PKNOX2: variants seen among roughly 807,000 people sequenced by gnomAD.
PKNOX2 encodes homeobox protein PKNOX2.
In PKNOX2, 14 loss-of-function variants were observed where a neutral mutation model predicts 53.1. The ratio of observed to expected loss-of-function variants is 0.26; its 90% CI spans 0.17 to 0.41. The LOEUF (loss-of-function observed/expected upper bound fraction) is 0.41, where lower values mean the gene tolerates loss of function less well. Among genes scored for constraint, PKNOX2 ranks in the 10% least tolerant of loss-of-function variants. PKNOX2 has a pLI of 1.00. For synonymous variants in PKNOX2, 257 were observed against 242.8 expected, an observed-to-expected ratio of 1.06 and a Z score of -0.54; for missense variants, 496 against 602.8, an observed-to-expected ratio of 0.82 and a Z score of 1.85.
chr11:125,189,405 A>G (rs12800367), intron 1 of PKNOX2, among the ~76,000 whole-genome samples: 4,023 of 68,190 alleles, frequency 0.059, 245 homozygotes, highest in East Asian at 0.24. Context: ...ATATGTGTGT[A>G]TATATATATG....
At chr11:125,223,357 G>C (rs539663543) in intron 1 of PKNOX2, among the ~76,000 whole-genome samples, 2 of 152,072 alleles carry the variant, frequency 1.3e-5, no homozygotes, top group Non-Finnish European at 1.5e-5. Context: ...AGCGTCCTGA[G>C]CAGCTGGGAT....
chr11:125,300,963 C>A (rs1426156), intron 2 of PKNOX2, among the ~76,000 whole-genome samples: 5 of 151,986 alleles, frequency 3.3e-5, no homozygotes, highest in Admixed American at 6.5e-5. Flanking sequence ...TAAGCTCTAG[C>A]GAGATTGCAG....
intron 1 of PKNOX2, among the ~76,000 whole-genome samples, chr11:125,202,714 G>A (rs962441585): frequency 6.6e-6 from 1 of 151,478 alleles, no homozygotes; most frequent in Non-Finnish European, 1.5e-5. Flanking sequence ...TGGGGAGGCT[G>A]TGGGTTGGGG....
At chr11:125,320,578 T>C (rs1310904135) in intron 2 of PKNOX2, among the ~76,000 whole-genome samples, 4 of 152,164 alleles carry the variant, frequency 2.6e-5, no homozygotes, top group Non-Finnish European at 5.9e-5. Context: ...GCAACCTCCA[T>C]TGGCTGCAAG....
At position 125,271,658 on chromosome 11, in the gene PKNOX2, G is replaced by A. The variant is rs193108670; in HGVS notation, c.-130+36543G>A. Among the ~76,000 whole-genome samples the A allele has an allele frequency of 2.0e-5, 3 of 152,074 alleles. No homozygotes were observed. In the East Asian group the frequency reaches 5.8e-4, roughly 29 times the overall value. ...AGTTCTGTCTAGACCTTCAATGTGT[G>A]TCCTGTCATGAAAATAGCAGAGTTG... is the stretch of plus-strand genomic sequence containing the variant. On this transcript the variant is annotated intron_variant, in intron 2 of 12. Transcript: ENST00000298282.
In PKNOX2 at chr11:125,235,664, C is replaced by T. The variant is rs896618790; in HGVS notation, c.-130+549C>T. 7.9e-5 allele frequency among the ~76,000 whole-genome samples: 12 copies of T among 152,344 alleles called. No individual in the cohort carries two copies. The South Asian group carries it at 2.5e-3, about 32-fold the overall frequency. ...TCTCCCCACTTGGCAAAAGTCTACCCACCTGTGGGACCCGGCCTAAGTCCA... is the reference window on the plus strand; with the variant it reads ...TCTCCCCACTTGGCAAAAGTCTACCTACCTGTGGGACCCGGCCTAAGTCCA... On this transcript the variant is annotated intron_variant, in intron 2 of 12. Transcript: ENST00000298282.
intron 2 of PKNOX2, among the ~76,000 whole-genome samples, chr11:125,272,200 G>T (rs1026876525): frequency 6.6e-6 from 1 of 152,200 alleles, no homozygotes; most frequent in African/African-American, 2.4e-5. Flanking sequence ...GTGAAGGGTC[G>T]TGGGGGTGTG....
intron 10 of PKNOX2, among the ~76,000 whole-genome samples, chr11:125,417,853 C>T (rs963439278): frequency 1.3e-5 from 2 of 152,012 alleles, no homozygotes; most frequent in African/African-American, 4.8e-5. Context: ...TCCAGCTGCA[C>T]TCTGCCATCC....
At chr11:125,393,427 C>T (rs1315961116) in intron 6 of PKNOX2, among the ~76,000 whole-genome samples, 1 of 152,010 alleles carries the variant, frequency 6.6e-6, no homozygotes, top group African/African-American at 2.4e-5. Context: ...GGAGAAGGTC[C>T]GAGGCAACAA....
At chr11:125,389,659 C>A (rs569667555) in intron 6 of PKNOX2, among the ~76,000 whole-genome samples, 37 of 152,286 alleles carry the variant, frequency 2.4e-4, no homozygotes, top group African/African-American at 8.4e-4. Context: ...TCCCCAAAAC[C>A]CTTTGAAAGG....
At chr11:125,206,788 C>T (rs1317111115) in intron 1 of PKNOX2, among the ~76,000 whole-genome samples, 1 of 152,070 alleles carries the variant, frequency 6.6e-6, no homozygotes, top group Admixed American at 6.5e-5. Flanking sequence ...CAGTAAACTG[C>T]AGCCAGCATT....
chr11:125,226,363 A>G (rs1326214246), intron 1 of PKNOX2, among the ~76,000 whole-genome samples: 2 of 152,164 alleles, frequency 1.3e-5, no homozygotes, highest in African/African-American at 2.4e-5. Flanking sequence ...CTCCCCGGAA[A>G]AACTTACACA....
At position 125,240,998 on chromosome 11, in the gene PKNOX2, G is replaced by A. The variant is rs1432666240; in HGVS notation, c.-130+5883G>A. Among the ~76,000 whole-genome samples, 1 of 152,230 alleles carries A rather than the reference G, an allele frequency of 6.6e-6. No individual in the cohort carries two copies. Among genetic ancestry groups the A allele is most frequent in the East Asian group, 1.9e-4 (1 of 5,200 alleles). ...TGGAGGAGCCTAGCGCTGTGCTTGC[G>A]ATAGCTGGAGCCTAATTAATGCTGC... On this transcript the variant is annotated intron_variant, in intron 2 of 12. Coordinates refer to ENST00000298282, the MANE Select transcript of PKNOX2 (RefSeq NM_001382323.2). This position sits in a 1 kb window ranked among gnomAD's most constrained non-coding sequence, Gnocchi z 4.3.
chr11:125,302,025 G>T (rs1948108023), intron 2 of PKNOX2, among the ~76,000 whole-genome samples: 1 of 152,226 alleles, frequency 6.6e-6, no homozygotes, highest in African/African-American at 2.4e-5. Flanking sequence ...GTGCTTGTCT[G>T]ACTGGGGCTA....
chr11:125,349,261 C>T (rs1951164070), intron 3 of PKNOX2, among the ~76,000 whole-genome samples: 1 of 151,450 alleles, frequency 6.6e-6, no homozygotes, highest in African/African-American at 2.4e-5. Flanking sequence ...CCTCTGCAAT[C>T]CTCACTCTGC....
chr11:125,249,479 T>C (rs571897225), intron 2 of PKNOX2, among the ~76,000 whole-genome samples: 2 of 152,362 alleles, frequency 1.3e-5, no homozygotes, highest in South Asian at 2.1e-4. Context: ...TCACTGAGCA[T>C]GTGCAGACTT....
intron 2 of PKNOX2, among the ~76,000 whole-genome samples, chr11:125,235,552 G>A (rs1324889133): frequency 1.3e-5 from 2 of 152,238 alleles, no homozygotes; most frequent in African/African-American, 2.4e-5. Flanking sequence ...GGAGGCATGA[G>A]GGAGGAAAAA....
At chr11:125,401,470 G>T (rs571609886) in intron 7 of PKNOX2, among the ~76,000 whole-genome samples, 2 of 151,822 alleles carry the variant, frequency 1.3e-5, no homozygotes, top group Admixed American at 6.5e-5. Flanking sequence ...GCTTTGCTCA[G>T]GCTTCAGGGG....
At chr11:125,220,134 A>AG (rs398045702) in intron 1 of PKNOX2, among the ~76,000 whole-genome samples, 2 of 152,072 alleles carry the variant, frequency 1.3e-5, no homozygotes, top group African/African-American at 4.8e-5. Context: ...AAGGAAAAAA[A>AG]TAACCCACCA....
Sources: allele counts gnomAD v4.1 joint callset (sites outside exome capture counted in the v4.1 genomes callset), GRCh38; gene constraint gnomAD v4.1.1; non-coding constraint Gnocchi (gnomAD v3.1); transcripts MANE v1.5; gene names NCBI Gene and HGNC (gene_info 2026-07-23, HGNC 2026-07-21).